SLFN14: variants seen among roughly 807,000 people sequenced by gnomAD.
SLFN14 encodes the protein schlafen family member 14, also known as protein SLFN14.
A neutral mutation model predicts 58.6 loss-of-function variants in SLFN14; 47 were observed. That is an observed-to-expected ratio of 0.80 (90% CI 0.64 to 1.02). The LOEUF (loss-of-function observed/expected upper bound fraction) is 1.02, where lower values mean the gene tolerates loss of function less well. Ranked by LOEUF, SLFN14 falls within the 50% of genes least tolerant of loss-of-function variation. The pLI, the probability that SLFN14 is intolerant of heterozygous loss-of-function variation, is 0.00. For missense variants in SLFN14, 967 were observed against 1,078.4 expected (o/e 0.90, Z 1.45); for synonymous variants, 390 against 387.3 (o/e 1.01, Z -0.08).
rs1015064699 is a variant in SLFN14, at chr17:35,544,635, T to C, written c.*3604A>G. Among the ~76,000 whole-genome samples the C allele has an allele frequency of 2.6e-5, 4 of 151,688 alleles. No homozygotes were observed. Among genetic ancestry groups the C allele is most frequent in the Non-Finnish European group, 5.9e-5 (4 of 67,968 alleles). ...CCTCCACCTCCCAGGTTCAAGCAAT[T>C]CTCCTGCCTCAGCCTCCCAAGTAGC... is the stretch of plus-strand genomic sequence containing the variant. On this transcript the variant is annotated 3_prime_UTR_variant, in exon 6 of 6. Transcript: ENST00000674182.
Position 35,557,536 on chromosome 17 carries a change from C to T in SLFN14, c.527G>A (p.Cys176Tyr), listed in dbSNP as rs2142212035. Residue 176 changes from cysteine to tyrosine, a missense_variant, in exon 3 of 6, where the codon TGC becomes TAC. Coordinates refer to ENST00000674182, the MANE Select transcript of SLFN14 (RefSeq NM_001129820.2). ...CCTCATATCTTCCTCTTCCTGAATG[C>T]ATCTATTGAGAACCTGCTGAGGATG... ...KLHPQQVLNR[C>Y]IQEEEDMRIL... The T allele has an allele frequency of 6.4e-7, 1 of 1,551,640 alleles. No individual in the cohort carries two copies. The highest frequency in any genetic ancestry group is 8.7e-7 in the Non-Finnish European group (1 of 1,147,004).
intron 2 of SLFN14, among the ~76,000 whole-genome samples, chr17:35,558,537 C>T (rs1205677487): frequency 6.6e-6 from 1 of 151,772 alleles, no homozygotes; most frequent in Admixed American, 6.6e-5. Flanking sequence ...GCTGGGATTA[C>T]AGATGTGAGC....
At position 35,552,831 on chromosome 17, in the gene SLFN14, G is replaced by A. The variant is rs747156751; in HGVS notation, c.1803C>T (p.Ala601=). 1.9e-6 allele frequency: 3 copies of A among 1,551,128 alleles called. No homozygotes were observed. The highest frequency in any genetic ancestry group is 3.9e-5 in the Admixed American group (2 of 50,922). ...TTTTCTCCATGATCTTTATGGCTAG[G>A]GCTGTCTTCCTGACTCCTGGAAAGC... The part of the protein sequence containing the change: ...IYCFPGVRKT[A]LAIKIMEKIK... Residue 601 remains alanine, a synonymous_variant, in exon 5 of 6, where the codon GCC becomes GCT. Transcript: ENST00000674182.
At position 35,547,327 on chromosome 17, in the gene SLFN14, GT is replaced by G. The variant is rs1835041543; in HGVS notation, c.*911del. 1.3e-5 allele frequency among the ~76,000 whole-genome samples: 2 copies of G among 152,108 alleles called. No homozygotes were observed. The highest frequency in any genetic ancestry group is 4.8e-5 in the African/African-American group (2 of 41,414). ...TTATTGCAATCTTATTTTATATTAA[GT>G]TGGTGCAAAAGTAATTGTGGCTTTT... On this transcript the variant is annotated 3_prime_UTR_variant, in exon 6 of 6. Coordinates refer to ENST00000674182, the MANE Select transcript of SLFN14 (RefSeq NM_001129820.2).
Position 35,557,201 on chromosome 17 carries a change from G to A in SLFN14, c.862C>T (p.Pro288Ser). The change falls in exon 3 of 6, where the codon CCA (proline) becomes TCA (serine). Residue 288 changes from proline to serine, a missense_variant. Physicochemically the swap from Pro to Ser is moderately conservative, Grantham distance 74. Transcript: ENST00000674182. ...LPTFHFCCEK[P>S]KVNFTTKILN... ...ATTTTTGTAGTGAAATTTACCTTTG[G>A]CTTCTCACAGCAGAAGTGGAATGTA... 1 of 1,551,662 alleles carries A rather than the reference G, an allele frequency of 6.4e-7. No individual in the cohort carries two copies. Among genetic ancestry groups the A allele is most frequent in the Non-Finnish European group, 8.7e-7 (1 of 1,146,982 alleles).
At position 35,551,763 on chromosome 17, in the gene SLFN14, C is replaced by G. The variant is rs907547463; in HGVS notation, c.1904+967G>C. ...CCTGTTTATTTTTAGGGGAAGAATG[C>G]TGTTATTATGTTAATCAATCCGGAA... is the stretch of plus-strand genomic sequence containing the variant. On this transcript the variant is annotated intron_variant, in intron 5 of 5. Transcript: ENST00000674182. 2.7e-5 allele frequency among the ~76,000 whole-genome samples: 4 copies of G among 150,044 alleles called. 1 individual carries two copies. Among genetic ancestry groups the G allele is most frequent in the African/African-American group, 9.9e-5 (4 of 40,380 alleles).
rs766764496 is a variant in SLFN14, at chr17:35,548,427, G to A, written c.2551C>T (p.Pro851Ser). The change falls in exon 6 of 6, where the codon CCG (proline) becomes TCG (serine). Residue 851 changes from proline to serine, a missense_variant. Transcript: ENST00000674182. The part of the protein sequence containing the change: ...THRPSEVVFS[P>S]ATGVWGSHIV... Reference sequence around the variant, plus strand: ...TGACTTCCCCAAACACCGGTGGCCGGGCTAAACACAACCTCTGATGGTCTG... The same window carrying A: ...TGACTTCCCCAAACACCGGTGGCCGAGCTAAACACAACCTCTGATGGTCTG... 6.4e-7 allele frequency: 1 copy of A among 1,551,632 alleles called. No individual in the cohort carries two copies. The highest frequency in any genetic ancestry group is 8.7e-7 in the Non-Finnish European group (1 of 1,146,976).
At chr17:35,556,981 C>A (rs1364732968) in intron 3 of SLFN14, 22 bp downstream of exon 3, 6 of 1,532,546 alleles carry the variant, frequency 3.9e-6, no homozygotes, top group Non-Finnish European at 4.4e-6. Context: ...CTGATGGGGA[C>A]AATGACTTCA....
intron 3 of SLFN14, among the ~76,000 whole-genome samples, chr17:35,555,063 T>C (rs2072638228): frequency 1.3e-5 from 2 of 152,048 alleles, no homozygotes; most frequent in African/African-American, 2.4e-5. Flanking sequence ...CAGCAAGGAT[T>C]AAAGCACAGT....
At chr17:35,555,984 T>G (rs1436292047) in intron 3 of SLFN14, among the ~76,000 whole-genome samples, 1 of 152,200 alleles carries the variant, frequency 6.6e-6, no homozygotes, top group Admixed American at 6.5e-5. Flanking sequence ...CAACAATGTT[T>G]TGCTTGAAAG....
Position 35,557,956 on chromosome 17 carries a change from C to T in SLFN14, c.107G>A (p.Cys36Tyr). The change falls in exon 3 of 6, where the codon TGT becomes TAT. Residue 36 changes from cysteine (C) to tyrosine (Y), a missense_variant. By Grantham distance (194) the Cys-to-Tyr change is radical. Transcript: ENST00000674182. ...TCTAGAATTCTCAGATCTTTTCAAA[C>T]AGCTGTTGGTCATCTTCTTCCTGTT... Reference protein sequence around the residue: ...EENRKKMTNSCLKRSENSRII... With the variant: ...EENRKKMTNSYLKRSENSRII... 2 of 1,551,664 alleles carry T rather than the reference C, an allele frequency of 1.3e-6. No homozygotes were observed. Among genetic ancestry groups the T allele is most frequent in the South Asian group, 1.2e-5 (1 of 84,066 alleles).
In SLFN14 at chr17:35,553,149, T is replaced by C. The variant is rs746103634; in HGVS notation, c.1485A>G (p.Lys495=). ...CTGTGTAACCACCAACAGTTTGCAG[T>C]TTCTGCTTTAACTGATGAGCTGTGT... The part of the protein sequence containing the change: ...ARNTAHQLKQ[K]LQTVGGYTGK... Residue 495 remains lysine, a synonymous_variant, in exon 5 of 6, where the codon AAA becomes AAG. Coordinates refer to ENST00000674182, the MANE Select transcript of SLFN14 (RefSeq NM_001129820.2). 6.4e-7 allele frequency: 1 copy of C among 1,551,662 alleles called. No individual in the cohort carries two copies. Among genetic ancestry groups the C allele is most frequent in the African/African-American group, 1.4e-5 (1 of 73,148 alleles).
Position 35,558,053 on chromosome 17 carries a change from G to A in SLFN14, c.10C>T (p.Leu4Phe). The change falls in exon 3 of 6, where the codon CTC becomes TTC. Residue 4 changes from leucine to phenylalanine, a missense_variant. Leu to Phe is a conservative substitution (Grantham distance 22). Coordinates refer to ENST00000674182, the MANE Select transcript of SLFN14 (RefSeq NM_001129820.2). Reference protein sequence around the residue: MESLKTDTEMPYPE... With the variant: MESFKTDTEMPYPE... ...TACGGCATTTCAGTATCAGTCTTGA[G>A]ACTCTCCATTTCAGCAGCCCCTCTG... 2 of 1,550,538 alleles carry A rather than the reference G, an allele frequency of 1.3e-6. No homozygotes were observed. The highest frequency in any genetic ancestry group is 8.7e-7 in the Non-Finnish European group (1 of 1,146,666).
At position 35,557,105 on chromosome 17, in the gene SLFN14, C is replaced by A. The variant is rs147396945; in HGVS notation, c.958G>T (p.Val320Leu). The stretch of plus-strand genomic sequence containing the variant: ...GAATCTGGGGCCTCTGCAAACACCA[C>A]GCAACAGAAGGGCTCCACTTGAATC... ...CVIQVEPFCC[V>L]VFAEAPDSWI... Residue 320 changes from valine to leucine, a missense_variant, in exon 3 of 6, where the codon GTG (valine) becomes TTG (leucine). Val to Leu is a conservative substitution (Grantham distance 32). Coordinates refer to ENST00000674182, the MANE Select transcript of SLFN14 (RefSeq NM_001129820.2). 2.6e-6 allele frequency: 4 copies of A among 1,551,504 alleles called. No homozygotes were observed. The highest frequency in any genetic ancestry group is 3.5e-6 in the Non-Finnish European group (4 of 1,146,976).
At chr17:35,555,977 C>T (rs1567715583) in intron 3 of SLFN14, among the ~76,000 whole-genome samples, 4 of 152,150 alleles carry the variant, frequency 2.6e-5, no homozygotes, top group Non-Finnish European at 5.9e-5. Flanking sequence ...AATTTGTCAA[C>T]AATGTTTTGC....
At chr17:35,551,568 T>A (rs985818044) in intron 5 of SLFN14, among the ~76,000 whole-genome samples, 1 of 152,172 alleles carries the variant, frequency 6.6e-6, no homozygotes, top group African/African-American at 2.4e-5. Context: ...GCACTGGCGG[T>A]ATCACAACCT....
At position 35,553,006 on chromosome 17, in the gene SLFN14, T is replaced by C; in HGVS notation, c.1628A>G (p.Asp543Gly). The change falls in exon 5 of 6, where the codon GAC becomes GGC. Residue 543 changes from aspartate (D) to glycine (G), a missense_variant. Physicochemically the swap from Asp to Gly is moderately conservative, Grantham distance 94. Transcript: ENST00000674182. Reference sequence around the variant, plus strand: ...GACCACCACCAGAGCCTGCAGCAAGTCTTCCATTTCCTCCTCATCAGCAAG... The same window carrying C: ...GACCACCACCAGAGCCTGCAGCAAGCCTTCCATTTCCTCCTCATCAGCAAG... ...YRLADEEEME[D>G]LLQALVVVSL... 1 of 1,551,592 alleles carries C rather than the reference T, an allele frequency of 6.4e-7. No individual in the cohort carries two copies. The highest frequency in any genetic ancestry group is 8.7e-7 in the Non-Finnish European group (1 of 1,146,982).
chr17:35,551,795 C>G (rs1324260283), intron 5 of SLFN14, among the ~76,000 whole-genome samples: 1 of 61,778 alleles, frequency 1.6e-5, no homozygotes, highest in Non-Finnish European at 2.8e-5. Flanking sequence ...GGAATCGTCA[C>G]CAAAAAGTTA....
At position 35,557,344 on chromosome 17, in the gene SLFN14, C is replaced by T. The variant is rs1412868396; in HGVS notation, c.719G>A (p.Gly240Glu). 1 of 1,551,718 alleles carries T rather than the reference C, an allele frequency of 6.4e-7. No individual in the cohort carries two copies. The highest frequency in any genetic ancestry group is 2.4e-5 in the East Asian group (1 of 40,928). Reference sequence around the variant, plus strand: ...ATCCACCCCAATGAGGACATATCCCCCTTGAGTGTTGGCAAATGCAGAAAC... The same window carrying T: ...ATCCACCCCAATGAGGACATATCCCTCTTGAGTGTTGGCAAATGCAGAAAC... ...HYVSAFANTQGGYVLIGVDDK... is the reference protein window; with the variant it reads ...HYVSAFANTQEGYVLIGVDDK... The change falls in exon 3 of 6, where the codon GGG becomes GAG. Residue 240 changes from glycine to glutamate, a missense_variant. Coordinates refer to ENST00000674182, the MANE Select transcript of SLFN14 (RefSeq NM_001129820.2).
Sources: allele counts gnomAD v4.1 joint callset (sites outside exome capture counted in the v4.1 genomes callset), GRCh38; gene constraint gnomAD v4.1.1; transcripts MANE v1.5; gene names NCBI Gene and HGNC (gene_info 2026-07-23, HGNC 2026-07-21).